Variants in PCDHGA2 observed in about 807,000 individuals in gnomAD.
PCDHGA2 encodes the protein protocadherin gamma subfamily A, 2.
Under a neutral mutation model 59.2 loss-of-function variants are expected in PCDHGA2, and 40 were observed. The ratio of observed to expected loss-of-function variants is 0.68; its 90% CI spans 0.52 to 0.88. The LOEUF is 0.88. Ranked by LOEUF, PCDHGA2 falls within the 40% of genes least tolerant of loss-of-function variation. The pLI is 0.00. For missense variants in PCDHGA2, 1,226 were observed against 1,204.0 expected, an observed-to-expected ratio of 1.02 and a Z score of -0.27; for synonymous variants, 560 against 526.0, an observed-to-expected ratio of 1.06 and a Z score of -0.89.
intron 1 of PCDHGA2, among the ~76,000 whole-genome samples, chr5:141,348,319 A>G (rs1758096305): frequency 6.6e-6 from 1 of 152,186 alleles, no homozygotes; most frequent in South Asian, 2.1e-4. Flanking sequence ...TACATCACAG[A>G]ATTTAAAAGG....
intron 1 of PCDHGA2, chr5:141,344,753 A>G (rs1324624459): frequency 6.2e-7 from 1 of 1,613,906 alleles, no homozygotes; most frequent in Non-Finnish European, 8.5e-7. Context: ...ACAACCCACC[A>G]ATGTTTACTC....
chr5:141,375,510 C>T, intron 1 of PCDHGA2: 1 of 1,614,034 alleles, frequency 6.2e-7, no homozygotes, highest in Non-Finnish European at 8.5e-7. Context: ...TCTGTGAATG[C>T]ACTGGACCCT....
At chr5:141,458,438 C>T (rs2098945825) in intron 1 of PCDHGA2, among the ~76,000 whole-genome samples, 1 of 152,024 alleles carries the variant, frequency 6.6e-6, no homozygotes, top group Non-Finnish European at 1.5e-5. Flanking sequence ...GAGGAGGTCC[C>T]CCACATTAAC....
At position 141,491,834 on chromosome 5, in the gene PCDHGA2, C is replaced by T; in HGVS notation, c.2425-2973C>T. 6 of 1,473,830 alleles carry T rather than the reference C, an allele frequency of 4.1e-6. No homozygotes were observed. The highest frequency in any genetic ancestry group is 5.4e-6 in the Non-Finnish European group (6 of 1,112,366). The allele number at this position is 1,473,830 out of a possible 1,614,324, so 91.3% of individuals were successfully genotyped here. ...CGCTGGCTGCGCTCCACCCGATTCTCGGGATCATTGGACCGTTTGCGCGAA... is the reference window on the plus strand; with the variant it reads ...CGCTGGCTGCGCTCCACCCGATTCTTGGGATCATTGGACCGTTTGCGCGAA... On this transcript the variant is annotated intron_variant, in intron 1 of 3. Transcript: ENST00000394576. This position sits in a 1 kb window ranked among gnomAD's most constrained non-coding sequence, Gnocchi z 6.9.
intron 1 of PCDHGA2, among the ~76,000 whole-genome samples, chr5:141,437,052 T>A (rs986734485): frequency 6.6e-5 from 10 of 152,258 alleles, no homozygotes; most frequent in Non-Finnish European, 1.3e-4. Flanking sequence ...AGAAGGCTGG[T>A]GATCATTATT....
intron 1 of PCDHGA2, chr5:141,382,974 A>G: frequency 6.2e-7 from 1 of 1,610,398 alleles, no homozygotes; most frequent in Non-Finnish European, 8.5e-7. Flanking sequence ...CCCCCTGGGA[A>G]GCCTGGGCAG....
chr5:141,502,446 C>T (rs541278139), intron 2 of PCDHGA2, among the ~76,000 whole-genome samples: 1 of 152,098 alleles, frequency 6.6e-6, no homozygotes, highest in South Asian at 2.1e-4. Context: ...ATTCAGATTA[C>T]ACACCTTGGT....
intron 1 of PCDHGA2, chr5:141,361,788 A>G (rs1860254): frequency 1.2e-4 from 192 of 1,612,992 alleles, no homozygotes; most frequent in African/African-American, 7.1e-4. Context: ...TGCGCGTGTT[A>G]GTGGGCGACC....
At chr5:141,420,907 C>G (rs916293573) in intron 1 of PCDHGA2, 3 of 301,914 alleles carry the variant, frequency 9.9e-6, no homozygotes, top group Admixed American at 4.6e-5. Context: ...TCTACAAATA[C>G]GTGTGATTCA....
At chr5:141,480,649 C>A (rs2099522804) in intron 1 of PCDHGA2, among the ~76,000 whole-genome samples, 1 of 152,184 alleles carries the variant, frequency 6.6e-6, no homozygotes, top group Non-Finnish European at 1.5e-5. Flanking sequence ...AACTTGGTTG[C>A]ACATTAAAAT....
chr5:141,416,223 A>AT, intron 1 of PCDHGA2: 1 of 152,302 alleles, frequency 6.6e-6, no homozygotes, highest in East Asian at 1.9e-4. Flanking sequence ...GTATGCTTAG[A>AT]TTTTTCCAGC....
chr5:141,392,548 T>C (rs1252345592), intron 1 of PCDHGA2: 1 of 344,860 alleles, frequency 2.9e-6, no homozygotes, highest in African/African-American at 2.1e-5. Context: ...AAGTAATCTG[T>C]ATCTCAGTGC....
rs145484670 is a variant in PCDHGA2 at position 141,469,912 on chromosome 5, C to T, written c.2425-24895C>T. Among the ~76,000 whole-genome samples, 674 of 152,288 alleles carry T rather than the reference C, an allele frequency of 4.4e-3. 6 individuals are homozygous for T. The highest frequency in any genetic ancestry group is 0.015 in the African/African-American group (642 of 41,562). On this transcript the variant is annotated intron_variant, in intron 1 of 3. Transcript: ENST00000394576. ...TTGGGAAGCCGAGGCAGGCAGACCA[C>T]CCGAGGTCAGGAGTTTGAGACCAGC...
At chr5:141,375,723 C>G in intron 1 of PCDHGA2, 1 of 1,614,274 alleles carries the variant, frequency 6.2e-7, no homozygotes, top group Non-Finnish European at 8.5e-7. Context: ...AGCAACGTGT[C>G]ACTGAGCCTG....
rs1261595107 is a variant in PCDHGA2 at position 141,339,237 on chromosome 5, G to A, written c.266G>A (p.Arg89Lys). 6.2e-7 allele frequency: 1 copy of A among 1,614,160 alleles called. No individual in the cohort carries two copies. The highest frequency in any genetic ancestry group is 8.5e-7 in the Non-Finnish European group (1 of 1,180,054). ...AGCGGCAGCTTGGTCACTGCGAACAGGATAGACCGGGAGGAGCTCTGCGCT... is the reference window on the plus strand; with the variant it reads ...AGCGGCAGCTTGGTCACTGCGAACAAGATAGACCGGGAGGAGCTCTGCGCT... ...PRSGSLVTAN[R>K]IDREELCAQS... Residue 89 changes from arginine to lysine, a missense_variant, in exon 1 of 4, where the codon AGG becomes AAG. Arg to Lys is a conservative substitution (Grantham distance 26). Coordinates refer to ENST00000394576, the MANE Select transcript of PCDHGA2 (RefSeq NM_018915.4).
intron 1 of PCDHGA2, among the ~76,000 whole-genome samples, chr5:141,482,127 T>C (rs2099553382): frequency 6.6e-6 from 1 of 151,774 alleles, no homozygotes; most frequent in African/African-American, 2.4e-5. Flanking sequence ...GGGAGAATCA[T>C]ATGGCTGGCA....
Position 141,431,612 on chromosome 5 carries a change from G to T in PCDHGA2, c.2425-63195G>T, listed in dbSNP as rs79883194. 6.2e-7 allele frequency: 1 copy of T among 1,614,244 alleles called. No homozygotes were observed. The highest frequency in any genetic ancestry group is 2.2e-5 in the East Asian group (1 of 44,880). Reference sequence around the variant, plus strand: ...AGTGAGGTATTCCTTCCGGTATGTGGACGACAAGGCGGCCCAAGTTTTCAA... The same window carrying T: ...AGTGAGGTATTCCTTCCGGTATGTGTACGACAAGGCGGCCCAAGTTTTCAA... On this transcript the variant is annotated intron_variant, in intron 1 of 3. Transcript: ENST00000394576. The surrounding 1 kb of genome is among the most constrained non-coding windows in gnomAD (Gnocchi z 4.8).
intron 1 of PCDHGA2, chr5:141,345,133 CTCT>C (rs1356108182): frequency 1.2e-6 from 2 of 1,613,834 alleles, no homozygotes; most frequent in Non-Finnish European, 1.7e-6. Flanking sequence ...AGAGAAATTG[CTCT>C]TATCGACGTG....
intron 1 of PCDHGA2, chr5:141,362,538 C>T (rs1762553339): frequency 6.2e-7 from 1 of 1,613,736 alleles, no homozygotes; most frequent in South Asian, 1.1e-5. Context: ...TCCCTTTTGC[C>T]TCAGATACTA....
Sources: gnomAD v4.1 joint callset for allele counts (sites outside exome capture counted in the v4.1 genomes callset) on GRCh38, gnomAD v4.1.1 for gene constraint, Gnocchi (gnomAD v3.1) non-coding constraint, MANE v1.5 for transcripts, NCBI Gene and HGNC (gene_info 2026-07-23, HGNC 2026-07-21) for gene names.